The following CTNNA3 variants were observed in gnomAD, a reference collection of about 807,000 sequenced individuals.
CTNNA3 encodes the protein catenin alpha 3.
CTNNA3 carries 76 observed loss-of-function variants against 95.7 expected under a neutral mutation model. The ratio of observed to expected loss-of-function variants is 0.79; its 90% CI spans 0.66 to 0.96. CTNNA3 has a LOEUF of 0.96. Ranked by LOEUF, CTNNA3 falls within the 40% of genes least tolerant of loss-of-function variation. The pLI is 0.00. For synonymous variants in CTNNA3, 431 were observed against 374.4 expected (o/e 1.15, Z -1.74); for missense variants, 1,191 against 1,089.8 (o/e 1.09, Z -1.31).
chr10:67,235,057 AG>A (rs1429853727), intron 5 of CTNNA3, among the ~76,000 whole-genome samples: 3 of 151,500 alleles, frequency 2.0e-5, no homozygotes, highest in African/African-American at 7.3e-5. Flanking sequence ...ATGGGTAGGA[AG>A]AATCAATATC....
At chr10:66,165,433 C>T (rs1013406881) in intron 13 of CTNNA3, among the ~76,000 whole-genome samples, 1 of 151,970 alleles carries the variant, frequency 6.6e-6, no homozygotes, top group Non-Finnish European at 1.5e-5. Flanking sequence ...ATGCAATATA[C>T]CCAGGTAACA....
intron 5 of CTNNA3, among the ~76,000 whole-genome samples, chr10:67,470,927 T>C (rs1360847137): frequency 6.6e-6 from 1 of 152,184 alleles, no homozygotes; most frequent in Non-Finnish European, 1.5e-5. Context: ...ACTACAGGCA[T>C]GTGCCACCAC....
intron 7 of CTNNA3, among the ~76,000 whole-genome samples, chr10:67,120,547 T>C (rs888678355): frequency 9.9e-5 from 15 of 152,022 alleles, no homozygotes; most frequent in Non-Finnish European, 1.9e-4. Flanking sequence ...CCCTCTGAAA[T>C]GAAAAGAAAT....
At chr10:67,165,493 A>G (rs1396564420) in intron 7 of CTNNA3, among the ~76,000 whole-genome samples, 5 of 152,188 alleles carry the variant, frequency 3.3e-5, no homozygotes, top group East Asian at 1.9e-4. Flanking sequence ...ATAAAACTAT[A>G]TACATAATTT....
intron 15 of CTNNA3, among the ~76,000 whole-genome samples, chr10:66,053,896 C>T (rs1443951250): frequency 6.6e-6 from 1 of 151,992 alleles, no homozygotes; most frequent in African/African-American, 2.4e-5. Flanking sequence ...ACCCATTAAC[C>T]ACATCTCATT....
intron 15 of CTNNA3, among the ~76,000 whole-genome samples, chr10:66,044,171 T>A (rs1280962752): frequency 6.6e-6 from 1 of 152,150 alleles, no homozygotes; most frequent in African/African-American, 2.4e-5. Flanking sequence ...ATTGCATCTT[T>A]AGTACAGACG....
chr10:66,771,348 A>G (rs1013155412), intron 8 of CTNNA3, among the ~76,000 whole-genome samples: 3 of 152,198 alleles, frequency 2.0e-5, no homozygotes, highest in African/African-American at 7.2e-5. Flanking sequence ...AAATTTTTTT[A>G]TAAAGTAAAG....
intron 5 of CTNNA3, among the ~76,000 whole-genome samples, chr10:67,323,681 T>C (rs1199295962): frequency 6.6e-6 from 1 of 152,196 alleles, no homozygotes; most frequent in Admixed American, 6.5e-5. Context: ...CTGCTTAGGA[T>C]GGTCTTGGCT....
At chr10:67,529,249 T>C (rs1840244693) in intron 4 of CTNNA3, among the ~76,000 whole-genome samples, 1 of 152,096 alleles carries the variant, frequency 6.6e-6, no homozygotes, top group South Asian at 2.1e-4. Flanking sequence ...AGAAAGACCA[T>C]AGTTAACAAT....
chr10:67,706,839 A>G (rs184293011), intron 1 of CTNNA3, among the ~76,000 whole-genome samples: 4 of 152,154 alleles, frequency 2.6e-5, no homozygotes, highest in African/African-American at 7.2e-5. Context: ...GACCTCTCTC[A>G]TGACCCCCAC....
intron 10 of CTNNA3, among the ~76,000 whole-genome samples, chr10:66,536,454 C>G (rs1207363652): frequency 7.1e-6 from 1 of 141,688 alleles, no homozygotes; most frequent in Non-Finnish European, 1.5e-5. Flanking sequence ...TGCACTCCAG[C>G]CTGGTCAACA....
At chr10:66,874,717 C>A (rs1450969599) in intron 7 of CTNNA3, among the ~76,000 whole-genome samples, 1 of 152,138 alleles carries the variant, frequency 6.6e-6, no homozygotes, top group Non-Finnish European at 1.5e-5. Context: ...ATATAATTTT[C>A]TTTTCTACCA....
intron 7 of CTNNA3, among the ~76,000 whole-genome samples, chr10:67,129,496 T>C (rs1039417370): frequency 6.6e-6 from 1 of 152,142 alleles, no homozygotes; most frequent in Non-Finnish European, 1.5e-5. Context: ...AATGTGCAAT[T>C]AAAACTCAGA....
chr10:67,006,145 T>TTC (rs1851974612), intron 7 of CTNNA3, among the ~76,000 whole-genome samples: 1 of 152,156 alleles, frequency 6.6e-6, no homozygotes, highest in Non-Finnish European at 1.5e-5. Context: ...CTCCTGTGCC[T>TTC]GTTTCTTGCA....
intron 5 of CTNNA3, among the ~76,000 whole-genome samples, chr10:67,267,350 A>G (rs1461492204): frequency 6.6e-6 from 1 of 151,810 alleles, no homozygotes; most frequent in Non-Finnish European, 1.5e-5. Flanking sequence ...AAGCGATATG[A>G]AAATTAAATT....
At chr10:66,925,387 CTT>C (rs1847010397) in intron 7 of CTNNA3, among the ~76,000 whole-genome samples, 1 of 152,110 alleles carries the variant, frequency 6.6e-6, no homozygotes, top group African/African-American at 2.4e-5. Flanking sequence ...CAAATGATCT[CTT>C]GATTCGTATC....
chr10:67,631,887 A>G (rs1466089466), intron 2 of CTNNA3, among the ~76,000 whole-genome samples: 2 of 152,232 alleles, frequency 1.3e-5, no homozygotes, highest in African/African-American at 4.8e-5. Context: ...CAAATACTGT[A>G]TGATCTCACT....
At chr10:66,467,494 G>A (rs1231396341) in intron 11 of CTNNA3, among the ~76,000 whole-genome samples, 1 of 151,966 alleles carries the variant, frequency 6.6e-6, no homozygotes, top group Non-Finnish European at 1.5e-5. Flanking sequence ...ACAAAAAATG[G>A]CAGTCCCCTT....
At chr10:66,618,224 T>C (rs993445603) in intron 10 of CTNNA3, among the ~76,000 whole-genome samples, 1 of 151,748 alleles carries the variant, frequency 6.6e-6, no homozygotes, top group African/African-American at 2.4e-5. Flanking sequence ...AAAGTTCATA[T>C]GGAACCAAAA....
Sources: allele counts gnomAD v4.1 joint callset (sites outside exome capture counted in the v4.1 genomes callset), GRCh38; gene constraint gnomAD v4.1.1; transcripts MANE v1.5; gene names NCBI Gene and HGNC (gene_info 2026-07-23, HGNC 2026-07-21).